TTC28: variants seen among roughly 807,000 people sequenced by gnomAD.
The protein encoded by TTC28 is tetratricopeptide repeat domain 28.
Under a neutral mutation model 198.0 loss-of-function variants are expected in TTC28, and 61 were observed. The observed-to-expected ratio is 0.31, with a 90% CI of 0.25 to 0.38. TTC28 has a LOEUF of 0.38. TTC28 is among the 10% of genes least tolerant of loss of function. The probability of loss-of-function intolerance (pLI) is 1.00; values close to 1 mark genes in which losing one functional copy is unlikely to be tolerated. For missense variants in TTC28, 2,678 were observed against 3,164.0 expected, an observed-to-expected ratio of 0.85 and a Z score of 3.69; for synonymous variants, 1,171 against 1,297.8, an observed-to-expected ratio of 0.90 and a Z score of 2.10.
rs1414826331 is a variant in TTC28, at chr22:28,107,946, T to C, written c.1899A>G (p.Glu633=). The change falls in exon 7 of 23, where the codon GAA becomes GAG. Residue 633 remains glutamate, a synonymous_variant. Transcript: ENST00000397906. ...AGCCAAGATTGTGGCAGACCTTCCC[T>C]TCTCCTTCCATGTCTTGAAGGTCGG... ...LAPDLQDMEG[E]GKVCHNLGYA... is the part of the protein sequence containing the mutation. 2 of 1,551,686 alleles carry C rather than the reference T, an allele frequency of 1.3e-6. No individual in the cohort carries two copies. Among genetic ancestry groups the C allele is most frequent in the Admixed American group, 2.0e-5 (1 of 51,004 alleles).
chr22:28,056,809 G>A (rs1451140833), intron 12 of TTC28, among the ~76,000 whole-genome samples: 1 of 152,118 alleles, frequency 6.6e-6, no homozygotes, highest in African/African-American at 2.4e-5. Context: ...TTTTACCCCA[G>A]CCCTGGAGGC....
At chr22:28,215,491 A>G (rs1011125546) in intron 5 of TTC28, among the ~76,000 whole-genome samples, 1 of 152,120 alleles carries the variant, frequency 6.6e-6, no homozygotes, top group African/African-American at 2.4e-5. Flanking sequence ...TTGCTTCCTT[A>G]TTTGGTGATA....
chr22:28,334,252 T>C (rs996577736), intron 2 of TTC28, among the ~76,000 whole-genome samples: 12 of 152,040 alleles, frequency 7.9e-5, no homozygotes, highest in African/African-American at 2.4e-4. Context: ...AGTCTATCAT[T>C]GATGGACATT....
At chr22:28,385,781 C>T (rs1040290003) in intron 2 of TTC28, among the ~76,000 whole-genome samples, 2 of 152,122 alleles carry the variant, frequency 1.3e-5, no homozygotes, top group East Asian at 1.9e-4. Flanking sequence ...AGCTTTCCAA[C>T]TTTATCTTTC....
chr22:28,503,089 T>A (rs1455870538), intron 2 of TTC28, among the ~76,000 whole-genome samples: 4 of 152,178 alleles, frequency 2.6e-5, no homozygotes, highest in Non-Finnish European at 5.9e-5. Context: ...TCTTTACTAC[T>A]CATTCTTTGT....
intron 1 of TTC28, among the ~76,000 whole-genome samples, chr22:28,676,594 ACT>A: frequency 6.6e-6 from 1 of 152,140 alleles, no homozygotes; most frequent in Admixed American, 6.5e-5. Flanking sequence ...AAAATAACAC[ACT>A]GAGAGACTAA....
chr22:28,124,738 AT>A (rs1270621905), intron 6 of TTC28, among the ~76,000 whole-genome samples: 1 of 152,202 alleles, frequency 6.6e-6, no homozygotes, highest in African/African-American at 2.4e-5. Context: ...ATGTCCAGTG[AT>A]TTACAAATCA....
chr22:28,239,002 T>G (rs1383568564), intron 5 of TTC28, among the ~76,000 whole-genome samples: 2 of 152,170 alleles, frequency 1.3e-5, no homozygotes, highest in Non-Finnish European at 1.5e-5. Context: ...CTGCAAAGTA[T>G]TCTAGGTAGA....
chr22:28,345,201 A>T (rs2045886330), intron 2 of TTC28, among the ~76,000 whole-genome samples: 1 of 152,212 alleles, frequency 6.6e-6, no homozygotes, highest in South Asian at 2.1e-4. Context: ...AATTAAAAAG[A>T]AAATCCCACA....
At chr22:28,180,634 C>T (rs1923607799) in intron 5 of TTC28, among the ~76,000 whole-genome samples, 1 of 151,922 alleles carries the variant, frequency 6.6e-6, no homozygotes, top group Non-Finnish European at 1.5e-5. Context: ...CTGATCTCTC[C>T]CATTTTAGGA....
intron 2 of TTC28, among the ~76,000 whole-genome samples, chr22:28,564,304 G>A (rs1374196080): frequency 6.6e-6 from 1 of 152,012 alleles, no homozygotes; most frequent in East Asian, 1.9e-4. Flanking sequence ...AATTATTTAA[G>A]TGTAAAATTT....
intron 2 of TTC28, among the ~76,000 whole-genome samples, chr22:28,380,790 A>T (rs988600159): frequency 3.9e-5 from 6 of 152,282 alleles, no homozygotes; most frequent in Non-Finnish European, 8.8e-5. Context: ...CTGATAATCT[A>T]TTTAATCCCT....
At chr22:28,429,753 AAGT>A (rs1397971333) in intron 2 of TTC28, among the ~76,000 whole-genome samples, 2 of 152,226 alleles carry the variant, frequency 1.3e-5, no homozygotes, top group Non-Finnish European at 2.9e-5. Context: ...AAAAATTAAA[AAGT>A]AGACAGAATT....
At position 27,979,453 on chromosome 22, in the gene TTC28, C is replaced by T. The variant is rs1183087708; in HGVS notation, c.*2768G>A. The T allele has an allele frequency of 6.8e-6, 1 of 147,742 alleles. No homozygotes were observed. The highest frequency in any genetic ancestry group is 1.5e-5 in the Non-Finnish European group (1 of 67,574). The allele number at this position is 147,742 out of a possible 1,614,324, so 9.2% of individuals were successfully genotyped here. A position where few individuals can be genotyped will look rare whatever the true frequency, so the allele number is the denominator to read the frequency against. On this transcript the variant is annotated 3_prime_UTR_variant, in exon 23 of 23. Coordinates refer to ENST00000397906, the MANE Select transcript of TTC28 (RefSeq NM_001145418.2). ...CAAAATCGCACCAGTGCACTCTATC[C>T]TGGGTGACAGAGCGAGACTCTGTCT...
intron 2 of TTC28, among the ~76,000 whole-genome samples, chr22:28,577,923 C>T (rs886758060): frequency 1.3e-5 from 2 of 151,880 alleles, no homozygotes; most frequent in Non-Finnish European, 2.9e-5. Context: ...ATTCATCCAC[C>T]CTATGACTTT....
intron 2 of TTC28, among the ~76,000 whole-genome samples, chr22:28,532,832 T>A (rs1004132539): frequency 2.6e-5 from 4 of 152,134 alleles, no homozygotes; most frequent in Admixed American, 6.6e-5. Flanking sequence ...ATAGATGCAG[T>A]AAAGGTCTTT....
At chr22:28,046,625 A>T (rs971279416) in intron 12 of TTC28, among the ~76,000 whole-genome samples, 1 of 152,230 alleles carries the variant, frequency 6.6e-6, no homozygotes, top group Non-Finnish European at 1.5e-5. Context: ...CAAAGTGAGC[A>T]CTACTACAAC....
rs1305560295 is a variant in TTC28 at position 28,315,716 on chromosome 22, ACT to A, written c.382-9075_382-9074del. Among the ~76,000 whole-genome samples, 18 of 151,766 alleles carry A rather than the reference ACT, an allele frequency of 1.2e-4. No homozygotes were observed. The East Asian group carries it at 2.9e-3, about 25-fold the overall frequency. ...CATAGTTGTGTGGGTCTATTCCTAG[ACT>A]CTCTATTCTGTTCTATTGATATTTA... On this transcript the variant is annotated intron_variant, in intron 2 of 22. Coordinates refer to ENST00000397906, the MANE Select transcript of TTC28 (RefSeq NM_001145418.2).
intron 2 of TTC28, among the ~76,000 whole-genome samples, chr22:28,414,609 A>C (rs2047140079): frequency 6.6e-6 from 1 of 152,210 alleles, no homozygotes; most frequent in South Asian, 2.1e-4. Context: ...AAGTATCTCA[A>C]AACCATAATT....
Sources: allele counts gnomAD v4.1 joint callset (sites outside exome capture counted in the v4.1 genomes callset), GRCh38; gene constraint gnomAD v4.1.1; transcripts MANE v1.5; gene names NCBI Gene and HGNC (gene_info 2026-07-23, HGNC 2026-07-21).